CNTN4: variants seen among roughly 807,000 people sequenced by gnomAD.
The protein encoded by CNTN4 is contactin-4.
A neutral mutation model predicts 122.5 loss-of-function variants in CNTN4; 77 were observed. The ratio of observed to expected loss-of-function variants is 0.63; its 90% CI spans 0.52 to 0.76. CNTN4 has a LOEUF of 0.76. CNTN4 is among the 30% of genes least tolerant of loss of function. The probability of loss-of-function intolerance (pLI) is 0.00; values close to 1 mark genes in which losing one functional copy is unlikely to be tolerated. For synonymous variants in CNTN4, 512 were observed against 447.0 expected, an observed-to-expected ratio of 1.15 and a Z score of -1.83; for missense variants, 1,256 against 1,259.1, an observed-to-expected ratio of 1.00 and a Z score of 0.04.
intron 2 of CNTN4, among the ~76,000 whole-genome samples, chr3:2,182,548 TC>T (rs2037064724): frequency 6.6e-6 from 1 of 152,124 alleles, no homozygotes; most frequent in Non-Finnish European, 1.5e-5. Flanking sequence ...TCTGAACTAC[TC>T]CTTATAATTA....
intron 13 of CNTN4, among the ~76,000 whole-genome samples, chr3:2,943,947 A>C (rs1378526361): frequency 6.6e-6 from 1 of 152,156 alleles, no homozygotes; most frequent in Admixed American, 6.5e-5. Context: ...TGCTGGGAAC[A>C]GATACCCATA....
chr3:2,303,256 A>G (rs183337129), intron 2 of CNTN4, among the ~76,000 whole-genome samples: 106 of 152,318 alleles, frequency 7.0e-4, no homozygotes, highest in African/African-American at 2.2e-3. Context: ...TTTAAAGTGT[A>G]CAATTTAGTA....
At chr3:2,563,771 T>C (rs1379602274) in intron 3 of CNTN4, among the ~76,000 whole-genome samples, 1 of 152,186 alleles carries the variant, frequency 6.6e-6, no homozygotes, top group Non-Finnish European at 1.5e-5. Flanking sequence ...AAATAAATAA[T>C]ACTTATTAAA....
intron 4 of CNTN4, among the ~76,000 whole-genome samples, chr3:2,627,685 G>C (rs1038729387): frequency 4.0e-5 from 6 of 151,834 alleles, no homozygotes; most frequent in Non-Finnish European, 7.4e-5. Flanking sequence ...AGTAGAGACG[G>C]GGTTTCACCG....
intron 7 of CNTN4, among the ~76,000 whole-genome samples, chr3:2,844,534 T>G (rs1487278985): frequency 6.6e-6 from 1 of 152,184 alleles, no homozygotes; most frequent in Non-Finnish European, 1.5e-5. Context: ...CTGGTTCATA[T>G]GGACTGGGCA....
intron 2 of CNTN4, among the ~76,000 whole-genome samples, chr3:2,221,631 C>G (rs2039064935): frequency 6.6e-6 from 1 of 151,926 alleles, no homozygotes; most frequent in South Asian, 2.1e-4. Flanking sequence ...GGAGAAAATA[C>G]TTTTACATAT....
chr3:2,829,567 C>T (rs2093058394), intron 7 of CNTN4, among the ~76,000 whole-genome samples: 1 of 152,192 alleles, frequency 6.6e-6, no homozygotes, highest in South Asian at 2.1e-4. Context: ...GTGGATATTT[C>T]TGATTTCAGT....
chr3:2,706,449 A>G (rs569108155), intron 4 of CNTN4, among the ~76,000 whole-genome samples: 2 of 152,288 alleles, frequency 1.3e-5, no homozygotes, highest in East Asian at 1.9e-4. Flanking sequence ...ATTGATTTTT[A>G]GTATTATAAT....
chr3:2,853,681 A>G (rs1344138797), intron 7 of CNTN4, among the ~76,000 whole-genome samples: 1 of 152,222 alleles, frequency 6.6e-6, no homozygotes. Context: ...CTCCCAGACC[A>G]GCTTGTCAAA....
intron 3 of CNTN4, among the ~76,000 whole-genome samples, chr3:2,468,148 T>C (rs1461863138): frequency 1.3e-5 from 2 of 152,208 alleles, no homozygotes; most frequent in Non-Finnish European, 2.9e-5. Context: ...TTTAAATTTT[T>C]GGACATTTTT....
chr3:2,521,287 C>T (rs1396083708), intron 3 of CNTN4, among the ~76,000 whole-genome samples: 1 of 152,002 alleles, frequency 6.6e-6, no homozygotes, highest in East Asian at 1.9e-4. Flanking sequence ...CATCCAGCTA[C>T]TGAAGCAGGC....
At chr3:2,099,962 A>AG (rs2031772259) in intron 1 of CNTN4, among the ~76,000 whole-genome samples, 1 of 152,238 alleles carries the variant, frequency 6.6e-6, no homozygotes, top group African/African-American at 2.4e-5. Context: ...AACCAGCCAG[A>AG]GAGTCGGCTG....
intron 4 of CNTN4, among the ~76,000 whole-genome samples, chr3:2,659,865 A>G (rs1162293843): frequency 6.6e-6 from 1 of 152,230 alleles, no homozygotes; most frequent in Non-Finnish European, 1.5e-5. Context: ...ACCCAATAAC[A>G]TGTAAATTTC....
intron 7 of CNTN4, among the ~76,000 whole-genome samples, chr3:2,825,840 T>G (rs1025945285): frequency 6.6e-6 from 1 of 152,108 alleles, no homozygotes; most frequent in African/African-American, 2.4e-5. Flanking sequence ...TTATTACGGG[T>G]TTTGGAGAAA....
chr3:2,670,947 T>A (rs2084475189), intron 4 of CNTN4, among the ~76,000 whole-genome samples: 1 of 152,248 alleles, frequency 6.6e-6, no homozygotes, highest in Non-Finnish European at 1.5e-5. Flanking sequence ...GCTTGTAGTT[T>A]CTGCGGAGAG....
chr3:2,930,680 T>C, intron 13 of CNTN4, among the ~76,000 whole-genome samples: 1 of 152,200 alleles, frequency 6.6e-6, no homozygotes, highest in South Asian at 2.1e-4. Context: ...ACCTACAGTC[T>C]GCATGTCGCA....
chr3:2,695,009 T>C (rs1379842309), intron 4 of CNTN4, among the ~76,000 whole-genome samples: 1 of 152,122 alleles, frequency 6.6e-6, no homozygotes, highest in East Asian at 1.9e-4. Flanking sequence ...CTTGATATGG[T>C]AAATGTTTAG....
At chr3:2,543,172 T>C in intron 3 of CNTN4, among the ~76,000 whole-genome samples, 1 of 151,944 alleles carries the variant, frequency 6.6e-6, no homozygotes, top group East Asian at 1.9e-4. Context: ...GTTTGAAAAA[T>C]AACAGAGGAT....
At chr3:2,853,624 C>G (rs2093583413) in intron 7 of CNTN4, among the ~76,000 whole-genome samples, 1 of 152,102 alleles carries the variant, frequency 6.6e-6, no homozygotes, top group East Asian at 1.9e-4. Flanking sequence ...ATTCAACCAC[C>G]ACATGTACTC....
Sources: allele counts gnomAD v4.1 joint callset (sites outside exome capture counted in the v4.1 genomes callset), GRCh38; gene constraint gnomAD v4.1.1; transcripts MANE v1.5; gene names NCBI Gene and HGNC (gene_info 2026-07-23, HGNC 2026-07-21).